Variants in LHX5 observed in about 807,000 individuals in gnomAD.
LHX5 encodes the protein LIM homeobox 5, also known as LIM/homeobox protein Lhx5.
Under a neutral mutation model 30.6 loss-of-function variants are expected in LHX5, and 5 were observed. That is an observed-to-expected ratio of 0.16 (90% CI 0.09 to 0.34). LHX5 has a LOEUF of 0.34. Among genes scored for constraint, LHX5 ranks in the 10% least tolerant of loss-of-function variants. The probability of loss-of-function intolerance (pLI) is 1.00; values close to 1 mark genes in which losing one functional copy is unlikely to be tolerated. For missense variants in LHX5, 458 were observed against 570.6 expected (o/e 0.80, Z 2.01); for synonymous variants, 266 against 252.6 (o/e 1.05, Z -0.50).
Position 113,463,178 on chromosome 12 carries a change from G to T in LHX5, c.*12C>A. 6.7e-7 allele frequency: 1 copy of T among 1,493,954 alleles called. No homozygotes were observed. Among genetic ancestry groups the T allele is most frequent in the Non-Finnish European group, 8.8e-7 (1 of 1,130,862 alleles). The allele number at this position is 1,493,954 out of a possible 1,614,324, so 92.5% of individuals were successfully genotyped here. ...CCCCCGGGGGCCGAGCGCGGGGGGCGGCCCGGCGGCCTTACCACACGGCGG... is the reference window on the plus strand; with the variant it reads ...CCCCCGGGGGCCGAGCGCGGGGGGCTGCCCGGCGGCCTTACCACACGGCGG... On this transcript the variant is annotated 3_prime_UTR_variant, in exon 5 of 5. Transcript: ENST00000261731. The surrounding 1 kb of genome is among the most constrained non-coding windows in gnomAD (Gnocchi z 6.7).
rs1958219184 is a variant in LHX5, at chr12:113,467,072, G to A, written c.841+184C>T. Among the ~76,000 whole-genome samples, 1 of 151,962 alleles carries A rather than the reference G, an allele frequency of 6.6e-6. No homozygotes were observed. Among genetic ancestry groups the A allele is most frequent in the African/African-American group, 2.4e-5 (1 of 41,348 alleles). ...TGTGCTTCTGTGTGCATCACTGTAT[G>A]GGTGAGACCATGTATCTGATTTTGT... On this transcript the variant is annotated intron_variant, in intron 4 of 4. Transcript: ENST00000261731. The surrounding 1 kb of genome is among the most constrained non-coding windows in gnomAD (Gnocchi z 6.3).
Position 113,467,255 on chromosome 12 carries a change from C to A in LHX5, c.841+1G>T. On this transcript the variant is annotated splice_donor_variant, in intron 4 of 4. Coordinates refer to ENST00000261731, the MANE Select transcript of LHX5 (RefSeq NM_022363.3). LOFTEE classifies it high-confidence loss of function. This position sits in a 1 kb window ranked among gnomAD's most constrained non-coding sequence, Gnocchi z 6.3. The stretch of plus-strand genomic sequence containing the variant: ...ACAGCGAATCCCGGGGCGCCCCTTA[C>A]CTCCGTAGTAGGTGTACGGGGTGGA... 6.8e-7 allele frequency: 1 copy of A among 1,461,040 alleles called. No homozygotes were observed. The highest frequency in any genetic ancestry group is 9.1e-7 in the Non-Finnish European group (1 of 1,094,738). The allele number at this position is 1,461,040 out of a possible 1,614,324, so 90.5% of individuals were successfully genotyped here.
chr12:113,463,285 C>T lies in LHX5; in HGVS notation c.1114G>A (p.Gly372Arg), dbSNP rs1958188475. The part of the protein sequence containing the change: ...HPMPGEVFSG[G>R]PSPPFPMSGT... The stretch of plus-strand genomic sequence containing the variant: ...CTCATTGGGAAGGGCGGGCTGGGCC[C>T]GCCGCTGAATACCTCGCCGGGCATG... The change falls in exon 5 of 5, where the codon GGG (glycine) becomes AGG (arginine). Residue 372 changes from glycine to arginine, a missense_variant. Transcript: ENST00000261731. The surrounding 1 kb of genome is among the most constrained non-coding windows in gnomAD (Gnocchi z 6.7). 1 of 1,527,378 alleles carries T rather than the reference C, an allele frequency of 6.5e-7. No homozygotes were observed. Among genetic ancestry groups the T allele is most frequent in the Non-Finnish European group, 8.8e-7 (1 of 1,140,826 alleles). 94.6% of individuals were successfully genotyped at this position (1,527,378 alleles called of 1,614,324 possible).
chr12:113,467,728 C>T lies in LHX5; in HGVS notation c.676-307G>A, dbSNP rs927276728. Among the ~76,000 whole-genome samples the T allele has an allele frequency of 2.0e-5, 3 of 152,228 alleles. No individual in the cohort carries two copies. The highest frequency in any genetic ancestry group is 7.2e-5 in the African/African-American group (3 of 41,466). On this transcript the variant is annotated intron_variant, in intron 3 of 4. Transcript: ENST00000261731. The surrounding 1 kb of genome is among the most constrained non-coding windows in gnomAD (Gnocchi z 6.3). ...CTCCCGGCACGGCTCTCGCCTCGGCCCCTCGGCTCCGGAGCCAGCCTCTGG... is the reference window on the plus strand; with the variant it reads ...CTCCCGGCACGGCTCTCGCCTCGGCTCCTCGGCTCCGGAGCCAGCCTCTGG...
rs1316974964 is a variant in LHX5, at chr12:113,465,654, G to A, written c.841+1602C>T. Among the ~76,000 whole-genome samples the A allele has an allele frequency of 3.9e-5, 6 of 152,238 alleles. No homozygotes were observed. Among genetic ancestry groups the A allele is most frequent in the Non-Finnish European group, 7.4e-5 (5 of 68,026 alleles). ...GCAGGGAGAGGAGGCGGTGGGATAG[G>A]TCGGGGCGGGGGCGAAGTGGTCCTC... is the stretch of plus-strand genomic sequence containing the variant. On this transcript the variant is annotated intron_variant, in intron 4 of 4. Transcript: ENST00000261731. This position sits in a 1 kb window ranked among gnomAD's most constrained non-coding sequence, Gnocchi z 6.7.
rs949363326 is a variant in LHX5 at position 113,464,642 on chromosome 12, G to A, written c.842-1085C>T. Among the ~76,000 whole-genome samples, 2 of 152,306 alleles carry A rather than the reference G, an allele frequency of 1.3e-5. No homozygotes were observed. Among genetic ancestry groups the A allele is most frequent in the African/African-American group, 4.8e-5 (2 of 41,576 alleles). ...ATGGCCAGAGCTCCGCGGGCTCCTT[G>A]GGGTAGAAGCTCGGTCCTCCAGCCT... On this transcript the variant is annotated intron_variant, in intron 4 of 4. Transcript: ENST00000261731. This position sits in a 1 kb window ranked among gnomAD's most constrained non-coding sequence, Gnocchi z 6.2.
chr12:113,469,524 GCTT>G (rs539049915), intron 1 of LHX5, among the ~76,000 whole-genome samples, 179 bp from the exon 2 acceptor site: 1 of 152,338 alleles, frequency 6.6e-6, no homozygotes, highest in Non-Finnish European at 1.5e-5. Flanking sequence ...GTCCTGAGCT[GCTT>G]TTGGGACTGG....
chr12:113,468,621 T>G (rs1958228921), intron 2 of LHX5, among the ~76,000 whole-genome samples: 1 of 152,180 alleles, frequency 6.6e-6, no homozygotes, highest in Non-Finnish European at 1.5e-5. Flanking sequence ...GGGGCGCTCT[T>G]AAGCCCTCTC....
intron 1 of LHX5, among the ~76,000 whole-genome samples, chr12:113,470,358 A>G (rs940102618): frequency 1.1e-4 from 16 of 152,254 alleles, no homozygotes; most frequent in African/African-American, 3.9e-4. Context: ...GTAATTGGCC[A>G]TATGCACCTT....
rs527776587 is a variant in LHX5 at position 113,467,483 on chromosome 12, C to T, written c.676-62G>A. On this transcript the variant is annotated intron_variant, in intron 3 of 4. Coordinates refer to ENST00000261731, the MANE Select transcript of LHX5 (RefSeq NM_022363.3). This position sits in a 1 kb window ranked among gnomAD's most constrained non-coding sequence, Gnocchi z 6.3. ...GAGTGTCCTCTCCCCCCCTCTTCTCCCTTCCCTGACTGGGCTGCCCCTGCT... is the reference window on the plus strand; with the variant it reads ...GAGTGTCCTCTCCCCCCCTCTTCTCTCTTCCCTGACTGGGCTGCCCCTGCT... 3.7e-5 allele frequency: 50 copies of T among 1,351,170 alleles called. No individual in the cohort carries two copies. The African/African-American group carries it at 5.5e-4, about 15-fold the overall frequency. 83.7% of individuals were successfully genotyped at this position (1,351,170 alleles called of 1,614,324 possible).
rs1958223085 is a variant in LHX5 at position 113,467,634 on chromosome 12, C to A, written c.676-213G>T. ...TGAAGGATTTCGCGGACCCGTGGGG[C>A]GACTCATAAAGACTTGGGCTTCCTG... On this transcript the variant is annotated intron_variant, in intron 3 of 4. Coordinates refer to ENST00000261731, the MANE Select transcript of LHX5 (RefSeq NM_022363.3). This position sits in a 1 kb window ranked among gnomAD's most constrained non-coding sequence, Gnocchi z 6.3. Among the ~76,000 whole-genome samples, 1 of 152,208 alleles carries A rather than the reference C, an allele frequency of 6.6e-6. No homozygotes were observed. The highest frequency in any genetic ancestry group is 2.4e-5 in the African/African-American group (1 of 41,452).
At position 113,464,627 on chromosome 12, in the gene LHX5, C is replaced by G. The variant is rs895138367; in HGVS notation, c.842-1070G>C. Among the ~76,000 whole-genome samples the G allele has an allele frequency of 3.3e-5, 5 of 152,186 alleles. No homozygotes were observed. The highest frequency in any genetic ancestry group is 5.9e-5 in the Non-Finnish European group (4 of 68,026). On this transcript the variant is annotated intron_variant, in intron 4 of 4. Transcript: ENST00000261731. This position sits in a 1 kb window ranked among gnomAD's most constrained non-coding sequence, Gnocchi z 6.2. ...AAGATTCTCTGGGTCATGGCCAGAG[C>G]TCCGCGGGCTCCTTGGGGTAGAAGC...
At position 113,465,407 on chromosome 12, in the gene LHX5, T is replaced by A. The variant is rs1958207358; in HGVS notation, c.841+1849A>T. Among the ~76,000 whole-genome samples the A allele has an allele frequency of 6.6e-6, 1 of 152,094 alleles. No individual in the cohort carries two copies. Among genetic ancestry groups the A allele is most frequent in the Non-Finnish European group, 1.5e-5 (1 of 68,014 alleles). ...CCGGAGGTAATTGGAACAAACGCCG[T>A]CTGAAAAGGGCACAAAAGCCGCAGC... On this transcript the variant is annotated intron_variant, in intron 4 of 4. Coordinates refer to ENST00000261731, the MANE Select transcript of LHX5 (RefSeq NM_022363.3). This position sits in a 1 kb window ranked among gnomAD's most constrained non-coding sequence, Gnocchi z 6.7.
At chr12:113,471,236 G>A in intron 1 of LHX5, 90 bp downstream of exon 1, 1 of 1,345,786 alleles carries the variant, frequency 7.4e-7, no homozygotes, top group Non-Finnish European at 1.0e-6. Context: ...GGGGAGGCTG[G>A]GATGGGGATG....
rs1409583193 is a variant in LHX5 at position 113,465,363 on chromosome 12, C to A, written c.842-1806G>T. The stretch of plus-strand genomic sequence containing the variant: ...GCCCCCGCGCCGTGCGCGCCGCCTC[C>A]GCCCATATGGCGGCCGGGCCGGAGG... On this transcript the variant is annotated intron_variant, in intron 4 of 4. Coordinates refer to ENST00000261731, the MANE Select transcript of LHX5 (RefSeq NM_022363.3). This position sits in a 1 kb window ranked among gnomAD's most constrained non-coding sequence, Gnocchi z 6.7. 3.9e-5 allele frequency among the ~76,000 whole-genome samples: 6 copies of A among 152,332 alleles called. No homozygotes were observed. Among genetic ancestry groups the A allele is most frequent in the Non-Finnish European group, 8.8e-5 (6 of 68,018 alleles).
chr12:113,468,335 G>T lies in LHX5; in HGVS notation c.467C>A (p.Thr156Lys), dbSNP rs139906449. Reference protein sequence around the residue: ...QDALQDDPKETDNSTSSDKET... With the variant: ...QDALQDDPKEKDNSTSSDKET... ...CTTGTCCGACGAGGTCGAGTTGTCC[G>T]TCTCTTTGGGGTCGTCCTGCAGTGC... is the stretch of plus-strand genomic sequence containing the variant. The change falls in exon 3 of 5, where the codon ACG (threonine) becomes AAG (lysine). Residue 156 changes from threonine (T) to lysine (K), a missense_variant. Thr to Lys is a moderately conservative substitution (Grantham distance 78, BLOSUM62 -1). This residue lies in a region of LHX5 where 178 missense variants were observed against 238.5 expected (regional missense o/e 0.75). Coordinates refer to ENST00000261731, the MANE Select transcript of LHX5 (RefSeq NM_022363.3). 1 of 1,614,032 alleles carries T rather than the reference G, an allele frequency of 6.2e-7. No individual in the cohort carries two copies. Among genetic ancestry groups the T allele is most frequent in the Non-Finnish European group, 8.5e-7 (1 of 1,179,974 alleles).
chr12:113,471,584 G>T lies in LHX5; in HGVS notation c.-86C>A. 7.7e-7 allele frequency: 1 copy of T among 1,299,652 alleles called. No individual in the cohort carries two copies. Among genetic ancestry groups the T allele is most frequent in the Non-Finnish European group, 1.1e-6 (1 of 950,406 alleles). 80.5% of individuals were successfully genotyped at this position (1,299,652 alleles called of 1,614,324 possible). ...CCTGCCGGGCCCTCCGCTGCCCTTC[G>T]CCTCTTGTCTCAGCAGCTGCAGGGC... is the stretch of plus-strand genomic sequence containing the variant. On this transcript the variant is annotated 5_prime_UTR_variant, in exon 1 of 5. Transcript: ENST00000261731.
rs535312335 is a variant in LHX5, at chr12:113,471,559, C to A, written c.-61G>T. 3 of 1,463,622 alleles carry A rather than the reference C, an allele frequency of 2.0e-6. No individual in the cohort carries two copies. Among genetic ancestry groups the A allele is most frequent in the South Asian group, 1.3e-5 (1 of 78,366 alleles). The allele number at this position is 1,463,622 out of a possible 1,614,324, so 90.7% of individuals were successfully genotyped here. A position where few individuals can be genotyped will look rare whatever the true frequency, so the allele number is the denominator to read the frequency against. On this transcript the variant is annotated 5_prime_UTR_variant, in exon 1 of 5. Transcript: ENST00000261731. ...TCCCTTTGGGCCCCTGGCCCTCGGGCCTGCCGGGCCCTCCGCTGCCCTTCG... is the reference window on the plus strand; with the variant it reads ...TCCCTTTGGGCCCCTGGCCCTCGGGACTGCCGGGCCCTCCGCTGCCCTTCG...
intron 1 of LHX5, among the ~76,000 whole-genome samples, chr12:113,469,622 G>C (rs1157221069): frequency 1.3e-5 from 2 of 152,208 alleles, no homozygotes; most frequent in African/African-American, 4.8e-5. Flanking sequence ...GCCAAGAAGA[G>C]AGCCCAGAGC....
Sources: allele counts gnomAD v4.1 joint callset (sites outside exome capture counted in the v4.1 genomes callset), GRCh38; gene constraint gnomAD v4.1.1; regional missense constraint gnomAD v4.1.1; non-coding constraint Gnocchi (gnomAD v3.1); transcripts MANE v1.5; gene names NCBI Gene and HGNC (gene_info 2026-07-23, HGNC 2026-07-21).